The following WASHC5 variants were observed in gnomAD, a reference collection of about 807,000 sequenced individuals.
WASHC5 encodes the protein WASH complex subunit 5, also known as WASH complex subunit strumpellin.
Under a neutral mutation model 150.4 loss-of-function variants are expected in WASHC5, and 101 were observed. That is an observed-to-expected ratio of 0.67 (90% CI 0.57 to 0.79). WASHC5 has a LOEUF of 0.79. WASHC5 is among the 30% of genes least tolerant of loss of function. The pLI is 0.00. For synonymous variants in WASHC5, 467 were observed against 491.2 expected, an observed-to-expected ratio of 0.95 and a Z score of 0.65; for missense variants, 1,195 against 1,396.3, an observed-to-expected ratio of 0.86 and a Z score of 2.30.
rs746724933 is a variant in WASHC5 at position 125,049,005 on chromosome 8, C to T, written c.2379+1G>A. On this transcript the variant is annotated splice_donor_variant, in intron 19 of 28. Coordinates refer to ENST00000318410, the MANE Select transcript of WASHC5 (RefSeq NM_014846.4). LOFTEE classifies it high-confidence loss of function. Reference sequence around the variant, plus strand: ...CAAGAATTTTAAAATTTATTAGATACCTTCGTTCTTAGAAAGTTATTACAC... The same window carrying T: ...CAAGAATTTTAAAATTTATTAGATATCTTCGTTCTTAGAAAGTTATTACAC... 6.2e-7 allele frequency: 1 copy of T among 1,607,244 alleles called. No homozygotes were observed. The highest frequency in any genetic ancestry group is 8.5e-7 in the Non-Finnish European group (1 of 1,175,320).
At position 125,047,497 on chromosome 8, in the gene WASHC5, G is replaced by T. The variant is rs559629189; in HGVS notation, c.2380-166C>A. 2.6e-5 allele frequency among the ~76,000 whole-genome samples: 4 copies of T among 151,996 alleles called. No homozygotes were observed. The East Asian group carries it at 7.8e-4, about 29-fold the overall frequency. On this transcript the variant is annotated intron_variant, in intron 19 of 28. Coordinates refer to ENST00000318410, the MANE Select transcript of WASHC5 (RefSeq NM_014846.4). ...CTGTCCCCCAGGCTGGAGTGCAGTG[G>T]CATGATCTTGGCTCACTGCAACCTC...
chr8:125,079,026 A>G (rs1817153205), intron 5 of WASHC5, 96 bp from the exon 6 acceptor site: 12 of 1,014,494 alleles, frequency 1.2e-5, no homozygotes, highest in African/African-American at 1.6e-5. Flanking sequence ...CTTTGACTCA[A>G]TATAGTTTCA....
intron 19 of WASHC5, 36 bp downstream of exon 19, chr8:125,048,970 C>A (rs1391221273): frequency 7.8e-6 from 12 of 1,533,358 alleles, no homozygotes; most frequent in Non-Finnish European, 1.1e-5. Context: ...TGAGAAATAA[C>A]AAATATAGTC....
At chr8:125,055,108 C>T (rs114436448) in intron 17 of WASHC5, among the ~76,000 whole-genome samples, 1,801 of 152,208 alleles carry the variant, frequency 0.012, 33 homozygotes, top group African/African-American at 0.041. Context: ...GATTACAATG[C>T]TTTCTCTTCC....
intron 4 of WASHC5, among the ~76,000 whole-genome samples, 199 bp from the exon 5 acceptor site, chr8:125,081,960 A>G (rs1182782409): frequency 6.6e-6 from 1 of 152,246 alleles, no homozygotes; most frequent in Non-Finnish European, 1.5e-5. Flanking sequence ...ACAGATTTTA[A>G]TTCATAGTGA....
Position 125,038,876 on chromosome 8 carries a change from A to T in WASHC5, c.3038T>A (p.Ile1013Asn), listed in dbSNP as rs750418643. ...PKEDNTLLYE[I>N]TAYLEAAGIH... Reference sequence around the variant, plus strand: ...GCCAGCTGCCTCCAGATAGGCTGTGATTTCATATAAAAGTGTGTTATCTTC... The same window carrying T: ...GCCAGCTGCCTCCAGATAGGCTGTGTTTTCATATAAAAGTGTGTTATCTTC... The change falls in exon 25 of 29, where the codon ATC (isoleucine) becomes AAC (asparagine). Residue 1013 changes from isoleucine to asparagine, a missense_variant. Around this residue, in one of 3 missense-constraint regions of WASHC5, gnomAD observed 997 missense variants for 1,168.1 expected, o/e 0.85. Coordinates refer to ENST00000318410, the MANE Select transcript of WASHC5 (RefSeq NM_014846.4). 1.2e-6 allele frequency: 2 copies of T among 1,614,104 alleles called. No homozygotes were observed. Among genetic ancestry groups the T allele is most frequent in the South Asian group, 2.2e-5 (2 of 91,084 alleles).
chr8:125,079,125 T>TAA, intron 5 of WASHC5, among the ~76,000 whole-genome samples, 195 bp from the exon 6 acceptor site: 1 of 119,324 alleles, frequency 8.4e-6, no homozygotes, highest in Middle Eastern at 4.1e-3. Context: ...TGTATATATA[T>TAA]ATATATATAT....
At chr8:125,070,306 A>G (rs904358682) in intron 9 of WASHC5, among the ~76,000 whole-genome samples, 2 of 152,268 alleles carry the variant, frequency 1.3e-5, no homozygotes, top group Admixed American at 1.3e-4. Context: ...GTGACTCACA[A>G]TCAGATAGGT....
In WASHC5 at chr8:125,063,666, GA is replaced by G. The variant is rs771351394; in HGVS notation, c.1279-16del. 10 of 1,612,208 alleles carry G rather than the reference GA, an allele frequency of 6.2e-6. No homozygotes were observed. The highest frequency in any genetic ancestry group is 5.3e-5 in the African/African-American group (4 of 74,858). ...TGCTTGAACATCTGTTGAAGCAACA[GA>G]AAATATTTATTTACTTAAGAGAAAA... On this transcript the variant is annotated splice_polypyrimidine_tract_variant and intron_variant, in intron 10 of 28. Coordinates refer to ENST00000318410, the MANE Select transcript of WASHC5 (RefSeq NM_014846.4).
intron 27 of WASHC5, among the ~76,000 whole-genome samples, chr8:125,030,069 G>C (rs1815483041): frequency 6.6e-6 from 1 of 152,148 alleles, no homozygotes; most frequent in Non-Finnish European, 1.5e-5. Context: ...ACCACCCTCA[G>C]GGTTGCCAAT....
intron 10 of WASHC5, among the ~76,000 whole-genome samples, chr8:125,064,889 T>C (rs1256682894): frequency 6.6e-6 from 1 of 152,152 alleles, no homozygotes; most frequent in Non-Finnish European, 1.5e-5. Context: ...TCTGGCAGAA[T>C]GACTAACCAA....
At chr8:125,077,898 T>C (rs1416353233) in intron 6 of WASHC5, among the ~76,000 whole-genome samples, 1 of 152,078 alleles carries the variant, frequency 6.6e-6, no homozygotes, top group African/African-American at 2.4e-5. Context: ...TTGAATTGTC[T>C]TAAAACAACA....
chr8:125,050,877 G>A (rs1481743256), intron 17 of WASHC5, among the ~76,000 whole-genome samples: 1 of 152,172 alleles, frequency 6.6e-6, no homozygotes, highest in Non-Finnish European at 1.5e-5. Flanking sequence ...GTTTATTTCA[G>A]CAAAGTTCAT....
chr8:125,080,261 A>G (rs563746656), intron 5 of WASHC5, among the ~76,000 whole-genome samples: 1 of 145,178 alleles, frequency 6.9e-6, no homozygotes, highest in South Asian at 2.3e-4. Context: ...ACTGGGCTTC[A>G]TAAGCCAATA....
rs747044599 is a variant in WASHC5, at chr8:125,044,808, T to C, written c.2505-110A>G. 4.6e-5 allele frequency: 51 copies of C among 1,118,436 alleles called. 1 individual carries two copies. The highest frequency in any genetic ancestry group is 5.9e-5 in the Non-Finnish European group (44 of 740,358). 69.3% of individuals were successfully genotyped at this position (1,118,436 alleles called of 1,614,324 possible). On this transcript the variant is annotated intron_variant, in intron 20 of 28. Coordinates refer to ENST00000318410, the MANE Select transcript of WASHC5 (RefSeq NM_014846.4). ...CCAAATATGAAGAACAGGAGTTACA[T>C]GATCTGTGTTTTCTAACCTCTGTAT... is the stretch of plus-strand genomic sequence containing the variant.
At chr8:125,028,295 C>T (rs1273756760) in intron 28 of WASHC5, among the ~76,000 whole-genome samples, 1 of 152,194 alleles carries the variant, frequency 6.6e-6, no homozygotes, top group Non-Finnish European at 1.5e-5. Flanking sequence ...AACAAACCAC[C>T]ATGATTATTT....
At chr8:125,029,697 A>T (rs535932469) in intron 27 of WASHC5, among the ~76,000 whole-genome samples, 1 of 152,370 alleles carries the variant, frequency 6.6e-6, no homozygotes, top group South Asian at 2.1e-4. Context: ...AGCAAAGTAC[A>T]TGCCAGGCTC....
intron 7 of WASHC5, among the ~76,000 whole-genome samples, chr8:125,075,610 A>C (rs1441480886): frequency 6.6e-6 from 1 of 152,156 alleles, no homozygotes; most frequent in African/African-American, 2.4e-5. Flanking sequence ...TTGGCTGCTC[A>C]ACTCTGAGCT....
chr8:125,039,566 G>T (rs1815823636), intron 24 of WASHC5, among the ~76,000 whole-genome samples: 1 of 152,134 alleles, frequency 6.6e-6, no homozygotes, highest in South Asian at 2.1e-4. Context: ...CCTGTCTGCT[G>T]AATACACGAA....
Sources: allele counts gnomAD v4.1 joint callset (sites outside exome capture counted in the v4.1 genomes callset), GRCh38; gene constraint gnomAD v4.1.1; regional missense constraint gnomAD v4.1.1; transcripts MANE v1.5; gene names NCBI Gene and HGNC (gene_info 2026-07-23, HGNC 2026-07-21).